Variants in TRAPPC6A observed in about 807,000 individuals in gnomAD.
The protein encoded by TRAPPC6A is TRAPP complex subunit 6A.
A neutral mutation model predicts 20.8 loss-of-function variants in TRAPPC6A; 25 were observed. That is an observed-to-expected ratio of 1.20 (90% CI 0.88 to 1.68). TRAPPC6A has a LOEUF of 1.68. Among genes scored for constraint, TRAPPC6A ranks in the 40% most tolerant of loss-of-function variants. The probability of loss-of-function intolerance (pLI) is 0.00; values close to 1 mark genes in which losing one functional copy is unlikely to be tolerated. For synonymous variants in TRAPPC6A, 96 were observed against 93.3 expected (o/e 1.03, Z -0.16); for missense variants, 215 against 211.6 (o/e 1.02, Z -0.10).
rs768274464 is a variant in TRAPPC6A, at chr19:45,163,145, C to T, written c.*47G>A. The T allele has an allele frequency of 1.1e-5, 18 of 1,612,482 alleles. No individual in the cohort carries two copies. Among genetic ancestry groups the T allele is most frequent in the South Asian group, 9.9e-5 (9 of 91,024 alleles). ...CAGCGGCCCCACCGTCTCCTGAGGC[C>T]GGTGAGGCCAGGGGCAGCAGTGCGG... On this transcript the variant is annotated 3_prime_UTR_variant, in exon 6 of 6. Transcript: ENST00000585934. This position sits in a 1 kb window ranked among gnomAD's most constrained non-coding sequence, Gnocchi z 5.3.
intron 4 of TRAPPC6A, 51 bp from the exon 5 acceptor site, chr19:45,164,060 G>A (rs1355435944): frequency 8.4e-6 from 13 of 1,550,204 alleles, no homozygotes; most frequent in African/African-American, 4.1e-5. Context: ...GCCAGCACCC[G>A]AGGTCTGGGG....
In TRAPPC6A at chr19:45,165,341, C is replaced by T. The variant is rs544387526; in HGVS notation, c.85-147G>A. 101 of 776,866 alleles carry T rather than the reference C, an allele frequency of 1.3e-4. No homozygotes were observed. The Admixed American group carries it at 2.0e-3, about 15-fold the overall frequency. The allele number at this position is 776,866 out of a possible 1,614,324, so 48.1% of individuals were successfully genotyped here. On this transcript the variant is annotated intron_variant, in intron 1 of 5. Transcript: ENST00000585934. ...AGCAGGGAGGGGCTCTGGCACAGCCCGGCCAGGGCAGGGGCAGGCCTCTAG... is the reference window on the plus strand; with the variant it reads ...AGCAGGGAGGGGCTCTGGCACAGCCTGGCCAGGGCAGGGGCAGGCCTCTAG...
At chr19:45,167,932 C>G (rs1018523151) in intron 1 of TRAPPC6A, among the ~76,000 whole-genome samples, 1 of 151,456 alleles carries the variant, frequency 6.6e-6, no homozygotes, top group Non-Finnish European at 1.5e-5. Flanking sequence ...CAGGAGGTCG[C>G]TACTGCAGTG....
At position 45,163,085 on chromosome 19, in the gene TRAPPC6A, C is replaced by G. The variant is rs1969044308; in HGVS notation, c.*107G>C. On this transcript the variant is annotated 3_prime_UTR_variant, in exon 6 of 6. Transcript: ENST00000585934. The surrounding 1 kb of genome is among the most constrained non-coding windows in gnomAD (Gnocchi z 5.3). ...CCCACTTCCTGAGCAAATGTGACCC[C>G]TAGGGCCTGGGATTCCCAAGACCAC... is the stretch of plus-strand genomic sequence containing the variant. The G allele has an allele frequency of 7.3e-7, 1 of 1,377,482 alleles. No homozygotes were observed. The highest frequency in any genetic ancestry group is 1.0e-6 in the Non-Finnish European group (1 of 985,992). 85.3% of individuals were successfully genotyped at this position (1,377,482 alleles called of 1,614,324 possible).
rs1969274206 is a variant in TRAPPC6A at position 45,171,825 on chromosome 19, G to T, written c.84+6310C>A. Among the ~76,000 whole-genome samples, 3 of 152,220 alleles carry T rather than the reference G, an allele frequency of 2.0e-5. No individual in the cohort carries two copies. The South Asian group carries it at 6.2e-4, about 32-fold the overall frequency. ...AAAGGAAGATTCACACGTCCAGACTGAAGCCAAGGGGTTGAGCTCCAAGGA... is the reference window on the plus strand; with the variant it reads ...AAAGGAAGATTCACACGTCCAGACTTAAGCCAAGGGGTTGAGCTCCAAGGA... On this transcript the variant is annotated intron_variant, in intron 1 of 5. Coordinates refer to ENST00000585934, the MANE Select transcript of TRAPPC6A (RefSeq NM_001270891.2).
chr19:45,163,009 C>T lies in TRAPPC6A; in HGVS notation c.*183G>A. 5.0e-6 allele frequency: 3 copies of T among 605,256 alleles called. No individual in the cohort carries two copies. The highest frequency in any genetic ancestry group is 8.5e-6 in the Non-Finnish European group (3 of 354,880). The allele number at this position is 605,256 out of a possible 1,614,324, so 37.5% of individuals were successfully genotyped here. On this transcript the variant is annotated 3_prime_UTR_variant, in exon 6 of 6. Transcript: ENST00000585934. The surrounding 1 kb of genome is among the most constrained non-coding windows in gnomAD (Gnocchi z 5.3). Reference sequence around the variant, plus strand: ...GGCGGGAATCCCACCACAGTCCTGACCGCAGCTGGGACCCCTTTGCCTCCT... The same window carrying T: ...GGCGGGAATCCCACCACAGTCCTGATCGCAGCTGGGACCCCTTTGCCTCCT...
rs1486066061 is a variant in TRAPPC6A at position 45,173,061 on chromosome 19, G to A, written c.84+5074C>T. ...GGGGTGTGGTGGATGGAGGCCTGGC[G>A]CAGCAGGGCTATTCTCGGGGCGCCT... On this transcript the variant is annotated intron_variant, in intron 1 of 5. Transcript: ENST00000585934. This position sits in a 1 kb window ranked among gnomAD's most constrained non-coding sequence, Gnocchi z 4.8. Among the ~76,000 whole-genome samples, 3 of 151,546 alleles carry A rather than the reference G, an allele frequency of 2.0e-5. No homozygotes were observed. The highest frequency in any genetic ancestry group is 2.0e-4 in the Admixed American group (3 of 15,258).
chr19:45,173,208 G>A lies in TRAPPC6A; in HGVS notation c.84+4927C>T, dbSNP rs927377000. The stretch of plus-strand genomic sequence containing the variant: ...AAAGCCTCTGAGGTAGAAAAGCCAC[G>A]GCTGCTTCCTCCAAGGGCTTCTCCT... On this transcript the variant is annotated intron_variant, in intron 1 of 5. Coordinates refer to ENST00000585934, the MANE Select transcript of TRAPPC6A (RefSeq NM_001270891.2). The surrounding 1 kb of genome is among the most constrained non-coding windows in gnomAD (Gnocchi z 4.8). 1.3e-5 allele frequency among the ~76,000 whole-genome samples: 2 copies of A among 151,674 alleles called. No individual in the cohort carries two copies. Among genetic ancestry groups the A allele is most frequent in the South Asian group, 2.1e-4 (1 of 4,800 alleles).
Position 45,173,115 on chromosome 19 carries a change from GC to G in TRAPPC6A, c.84+5019del, listed in dbSNP as rs1969299833. ...GCCTGGTCTCAGACAATGGGTGACA[GC>G]GCCTTAGCTCTTTACTACATGCACT... On this transcript the variant is annotated intron_variant, in intron 1 of 5. Coordinates refer to ENST00000585934, the MANE Select transcript of TRAPPC6A (RefSeq NM_001270891.2). The surrounding 1 kb of genome is among the most constrained non-coding windows in gnomAD (Gnocchi z 4.8). 6.6e-6 allele frequency among the ~76,000 whole-genome samples: 1 copy of G among 151,670 alleles called. No individual in the cohort carries two copies.
intron 3 of TRAPPC6A, 165 bp downstream of exon 3, chr19:45,164,688 C>G (rs1040860059): frequency 3.6e-5 from 24 of 672,808 alleles, no homozygotes; most frequent in Admixed American, 1.5e-4. Context: ...AGCGCAGCCT[C>G]CTGGCTTCCC....
intron 1 of TRAPPC6A, among the ~76,000 whole-genome samples, chr19:45,175,422 G>A (rs144974569): frequency 0.044 from 6,446 of 147,970 alleles, 461 homozygotes; most frequent in African/African-American, 0.15. Flanking sequence ...GCGAGACTCC[G>A]TCTCAAAAAA....
At chr19:45,176,543 G>A (rs1969379780) in intron 1 of TRAPPC6A, among the ~76,000 whole-genome samples, 1 of 152,102 alleles carries the variant, frequency 6.6e-6, no homozygotes, top group African/African-American at 2.4e-5. Flanking sequence ...GTCTTGAACG[G>A]TGGGCCTCAA....
rs1268959437 is a variant in TRAPPC6A at position 45,178,142 on chromosome 19, C to CCGGGGT, written c.71_76dup (p.Asp24_Pro25dup). ...ACGGAGCCCGGCGCTCACCCCCGGG[C>CCGGGGT]CGGGGTCGGGGTCGTGAGCCCACAG... On this transcript the variant is annotated inframe_insertion, in exon 1 of 6. Coordinates refer to ENST00000585934, the MANE Select transcript of TRAPPC6A (RefSeq NM_001270891.2). 8.7e-6 allele frequency: 14 copies of CCGGGGT among 1,613,244 alleles called. No individual in the cohort carries two copies. Among genetic ancestry groups the CCGGGGT allele is most frequent in the Admixed American group, 1.7e-5 (1 of 59,954 alleles).
At chr19:45,170,128 C>G (rs957915626) in intron 1 of TRAPPC6A, among the ~76,000 whole-genome samples, 1 of 152,020 alleles carries the variant, frequency 6.6e-6, no homozygotes, top group Non-Finnish European at 1.5e-5. Context: ...GGGTGAGAGG[C>G]GGGGAAGGGA....
intron 1 of TRAPPC6A, among the ~76,000 whole-genome samples, chr19:45,167,530 T>C (rs923121104): frequency 2.6e-5 from 4 of 152,218 alleles, no homozygotes; most frequent in African/African-American, 7.2e-5. Context: ...TTGCCCAGGC[T>C]GGAGTGCAAC....
intron 1 of TRAPPC6A, among the ~76,000 whole-genome samples, chr19:45,171,566 G>A (rs1969269385): frequency 6.6e-6 from 1 of 152,062 alleles, no homozygotes; most frequent in South Asian, 2.1e-4. Context: ...GAACAAATAT[G>A]GTGGCCAAAA....
intron 1 of TRAPPC6A, among the ~76,000 whole-genome samples, chr19:45,176,005 T>C (rs1969364844): frequency 1.3e-5 from 2 of 152,114 alleles, no homozygotes; most frequent in African/African-American, 4.8e-5. Flanking sequence ...TCCCCATGTT[T>C]TTTTAGAGAC....
chr19:45,175,413 C>G (rs953977604), intron 1 of TRAPPC6A, among the ~76,000 whole-genome samples: 1 of 147,308 alleles, frequency 6.8e-6, no homozygotes, highest in African/African-American at 2.6e-5. Context: ...GGCGACAGAG[C>G]GAGACTCCGT....
chr19:45,176,885 T>A (rs1184779286), intron 1 of TRAPPC6A, among the ~76,000 whole-genome samples: 4 of 135,410 alleles, frequency 3.0e-5, no homozygotes, highest in Non-Finnish European at 3.2e-5. Flanking sequence ...AAAAAAAAAA[T>A]TGGCCGGGTG....
Sources: allele counts gnomAD v4.1 joint callset (sites outside exome capture counted in the v4.1 genomes callset), GRCh38; gene constraint gnomAD v4.1.1; non-coding constraint Gnocchi (gnomAD v3.1); transcripts MANE v1.5; gene names NCBI Gene and HGNC (gene_info 2026-07-23, HGNC 2026-07-21).